The following PDE4B variants were observed in gnomAD, a reference collection of about 807,000 sequenced individuals.
The protein encoded by PDE4B is phosphodiesterase 4B.
Under a neutral mutation model 82.2 loss-of-function variants are expected in PDE4B, and 20 were observed. The observed-to-expected ratio is 0.24, with a 90% CI of 0.17 to 0.35. PDE4B has a LOEUF of 0.35. Ranked by LOEUF, PDE4B falls within the 10% of genes least tolerant of loss-of-function variation. The probability of loss-of-function intolerance (pLI) is 1.00; values close to 1 mark genes in which losing one functional copy is unlikely to be tolerated. For synonymous variants in PDE4B, 320 were observed against 318.9 expected, an observed-to-expected ratio of 1.00 and a Z score of -0.04; for missense variants, 655 against 907.2, an observed-to-expected ratio of 0.72 and a Z score of 3.57.
intron 1 of PDE4B, among the ~76,000 whole-genome samples, chr1:65,806,824 C>T (rs940685884): frequency 2.0e-5 from 3 of 152,348 alleles, no homozygotes; most frequent in African/African-American, 7.2e-5. Context: ...ACTGCTATCT[C>T]TCTGACGGCA....
In PDE4B at chr1:65,949,095, C is replaced by A. The variant is rs1253765672; in HGVS notation, c.281+30260C>A. ...TTATAGCCTTCTGTCCACCGCTCTTCTATTGGGTACATGCTGCCACCTAGC... is the reference window on the plus strand; with the variant it reads ...TTATAGCCTTCTGTCCACCGCTCTTATATTGGGTACATGCTGCCACCTAGC... On this transcript the variant is annotated intron_variant, in intron 3 of 16. Coordinates refer to ENST00000341517, the MANE Select transcript of PDE4B (RefSeq NM_002600.4). Among the ~76,000 whole-genome samples, 5 of 152,080 alleles carry A rather than the reference C, an allele frequency of 3.3e-5. No homozygotes were observed. In the East Asian group the frequency reaches 5.8e-4, roughly 18 times the overall value.
chr1:65,958,807 C>G (rs948823414), intron 3 of PDE4B, among the ~76,000 whole-genome samples: 1 of 152,030 alleles, frequency 6.6e-6, no homozygotes, highest in Non-Finnish European at 1.5e-5. Flanking sequence ...GTTACCTTAT[C>G]TTTTTAACCT....
intron 7 of PDE4B, among the ~76,000 whole-genome samples, chr1:66,283,353 T>TA (rs1553166245): frequency 9.0e-4 from 136 of 151,610 alleles, no homozygotes; most frequent in African/African-American, 3.1e-3. Flanking sequence ...ATTGTTACTA[T>TA]TATATATATA....
chr1:66,275,967 G>C (rs1655852722), intron 7 of PDE4B, among the ~76,000 whole-genome samples: 1 of 152,146 alleles, frequency 6.6e-6, no homozygotes, highest in African/African-American at 2.4e-5. Context: ...AGTAAGCTGG[G>C]ACCATGGCGA....
At chr1:66,072,828 A>G (rs1656220396) in intron 3 of PDE4B, among the ~76,000 whole-genome samples, 1 of 152,124 alleles carries the variant, frequency 6.6e-6, no homozygotes, top group Non-Finnish European at 1.5e-5. Context: ...ATCAAAGTGG[A>G]ACAAATAGAA....
intron 3 of PDE4B, among the ~76,000 whole-genome samples, chr1:66,096,822 G>A (rs1049615758): frequency 6.6e-6 from 1 of 151,562 alleles, no homozygotes; most frequent in Non-Finnish European, 1.5e-5. Flanking sequence ...GGTGATCACT[G>A]ATATTCCCTC....
intron 3 of PDE4B, among the ~76,000 whole-genome samples, chr1:65,962,432 C>T (rs935694504): frequency 1.3e-5 from 2 of 152,112 alleles, no homozygotes; most frequent in East Asian, 3.9e-4. Flanking sequence ...TAGCAGAATC[C>T]ACTGTTTTAC....
chr1:65,867,494 G>A (rs753005751), intron 1 of PDE4B, among the ~76,000 whole-genome samples: 14 of 152,178 alleles, frequency 9.2e-5, no homozygotes, highest in Non-Finnish European at 1.6e-4. Flanking sequence ...TCAAATCATA[G>A]CTTTACAATA....
At chr1:66,196,450 C>T (rs1295796369) in intron 3 of PDE4B, among the ~76,000 whole-genome samples, 1 of 152,196 alleles carries the variant, frequency 6.6e-6, no homozygotes, top group Non-Finnish European at 1.5e-5. Flanking sequence ...GCTGTCAAAC[C>T]TTCAAAAAGT....
At chr1:65,827,298 A>T (rs1467489718) in intron 1 of PDE4B, among the ~76,000 whole-genome samples, 2 of 152,194 alleles carry the variant, frequency 1.3e-5, no homozygotes, top group Non-Finnish European at 2.9e-5. Flanking sequence ...GAAAAGACAC[A>T]AATCAGAGCC....
intron 7 of PDE4B, among the ~76,000 whole-genome samples, chr1:66,311,981 G>T (rs1361299307): frequency 6.6e-6 from 1 of 152,166 alleles, no homozygotes; most frequent in Non-Finnish European, 1.5e-5. Context: ...CAAATGTATA[G>T]GTCTGGGAAC....
intron 3 of PDE4B, among the ~76,000 whole-genome samples, chr1:65,980,829 C>A (rs764593795): frequency 3.0e-4 from 45 of 152,098 alleles, no homozygotes; most frequent in Non-Finnish European, 4.7e-4. Context: ...TCTAAAAGTA[C>A]AGTTACTTTC....
intron 3 of PDE4B, among the ~76,000 whole-genome samples, chr1:66,000,131 T>C (rs529287619): frequency 1.0e-3 from 155 of 152,340 alleles, no homozygotes; most frequent in Admixed American, 3.3e-3. Context: ...TATTTGTCTG[T>C]AGCACTGTAC....
intron 1 of PDE4B, among the ~76,000 whole-genome samples, chr1:65,811,464 C>T (rs965624636): frequency 6.6e-6 from 1 of 152,266 alleles, no homozygotes; most frequent in Admixed American, 6.5e-5. Flanking sequence ...GCAAATGACC[C>T]ATTTTATGTG....
intron 3 of PDE4B, among the ~76,000 whole-genome samples, chr1:66,239,021 C>G (rs1652676190): frequency 6.6e-6 from 1 of 152,126 alleles, no homozygotes; most frequent in Admixed American, 6.5e-5. Context: ...GCCATCACTA[C>G]TTTAGTAAAA....
chr1:66,188,402 G>A (rs900923323), intron 3 of PDE4B, among the ~76,000 whole-genome samples: 1 of 151,762 alleles, frequency 6.6e-6, no homozygotes, highest in African/African-American at 2.4e-5. Context: ...TTAACTTTCT[G>A]TCTCGTTGAT....
At chr1:66,173,440 C>A (rs918124801) in intron 3 of PDE4B, among the ~76,000 whole-genome samples, 2 of 152,132 alleles carry the variant, frequency 1.3e-5, no homozygotes, top group Non-Finnish European at 2.9e-5. Flanking sequence ...CCATTGAAAT[C>A]GAATTGTATT....
intron 3 of PDE4B, among the ~76,000 whole-genome samples, chr1:66,142,939 A>T (rs1249879351): frequency 6.6e-6 from 1 of 152,210 alleles, no homozygotes; most frequent in African/African-American, 2.4e-5. Flanking sequence ...TGGGTGGGTA[A>T]TATAGAGTAA....
chr1:66,019,357 T>C (rs1201047650), intron 3 of PDE4B, among the ~76,000 whole-genome samples: 1 of 3,182 alleles, frequency 3.1e-4, no homozygotes, highest in Non-Finnish European at 3.0e-3. Context: ...ATTGTTATTC[T>C]TTTTTTTTTT....
Sources: allele counts gnomAD v4.1 joint callset (sites outside exome capture counted in the v4.1 genomes callset), GRCh38; gene constraint gnomAD v4.1.1; transcripts MANE v1.5; gene names NCBI Gene and HGNC (gene_info 2026-07-23, HGNC 2026-07-21).